The following BRIP1 variants were observed in gnomAD, a reference collection of about 807,000 sequenced individuals.
BRIP1 encodes BRCA1 interacting DNA helicase 1, also known as Fanconi anemia group J protein.
A neutral mutation model predicts 119.7 loss-of-function variants in BRIP1; 88 were observed. The observed-to-expected ratio is 0.74, with a 90% confidence interval of 0.62 to 0.88. The LOEUF (loss-of-function observed/expected upper bound fraction) is 0.88, where lower values mean the gene tolerates loss of function less well. Among genes scored for constraint, BRIP1 ranks in the 40% least tolerant of loss-of-function variants. The pLI is 0.00. For missense variants in BRIP1, 1,259 were observed against 1,455.4 expected, an observed-to-expected ratio of 0.87 and a Z score of 2.20; for synonymous variants, 443 against 496.5, an observed-to-expected ratio of 0.89 and a Z score of 1.43.
chr17:61,694,102 A>G (rs2061489809), intron 17 of BRIP1, among the ~76,000 whole-genome samples: 1 of 152,172 alleles, frequency 6.6e-6, no homozygotes, highest in African/African-American at 2.4e-5. Flanking sequence ...ATACTTTTTA[A>G]TAATTATTAA....
At chr17:61,849,438 T>C (rs530131154) in intron 4 of BRIP1, among the ~76,000 whole-genome samples, 182 bp from the exon 5 acceptor site, 3 of 151,762 alleles carry the variant, frequency 2.0e-5, no homozygotes, top group African/African-American at 7.3e-5. Flanking sequence ...TACCAAAGAT[T>C]CTGAGAAACA....
chr17:61,745,024 TA>T lies in BRIP1; in HGVS notation c.2098-434del, dbSNP rs2077041550. 6.6e-6 allele frequency among the ~76,000 whole-genome samples: 1 copy of T among 152,150 alleles called. No homozygotes were observed. The highest frequency in any genetic ancestry group is 2.1e-4 in the South Asian group (1 of 4,830). ...AAACTTTAAGTTCTCTCTTTAAACC[TA>T]AGGTGAAGTTTCTTAATATTCTTAA... On this transcript the variant is annotated intron_variant, in intron 14 of 19. Transcript: ENST00000259008. This position sits in a 1 kb window ranked among gnomAD's most constrained non-coding sequence, Gnocchi z 4.4.
At position 61,780,839 on chromosome 17, in the gene BRIP1, C is replaced by T. The variant is rs766516963; in HGVS notation, c.1794+1G>A. ...AATTTCCATTTACATGATGAGCTTA[C>T]CACAGCTGGATTTAAGCACCAAAAG... On this transcript the variant is annotated splice_donor_variant, in intron 12 of 19. Coordinates refer to ENST00000259008, the MANE Select transcript of BRIP1 (RefSeq NM_032043.3). LOFTEE classifies it high-confidence loss of function. This position sits in a 1 kb window ranked among gnomAD's most constrained non-coding sequence, Gnocchi z 5.4. 2 of 1,614,008 alleles carry T rather than the reference C, an allele frequency of 1.2e-6. No individual in the cohort carries two copies. Among genetic ancestry groups the T allele is most frequent in the East Asian group, 4.5e-5 (2 of 44,874 alleles).
chr17:61,718,155 G>A (rs1209311393), intron 16 of BRIP1, among the ~76,000 whole-genome samples: 1 of 152,110 alleles, frequency 6.6e-6, no homozygotes, highest in Non-Finnish European at 1.5e-5. Context: ...TGTATTATGG[G>A]TTAAATTCTC....
chr17:61,777,761 C>T (rs994935636), intron 13 of BRIP1, among the ~76,000 whole-genome samples: 4 of 152,042 alleles, frequency 2.6e-5, no homozygotes, highest in Non-Finnish European at 5.9e-5. Flanking sequence ...TATCTGGAAG[C>T]TCTCTGAACC....
chr17:61,776,057 T>C lies in BRIP1; in HGVS notation c.2097+344A>G, dbSNP rs765449735. The C allele has an allele frequency of 4.6e-5, 14 of 305,716 alleles. No homozygotes were observed. Among genetic ancestry groups the C allele is most frequent in the Non-Finnish European group, 8.2e-5 (13 of 158,374 alleles). 18.9% of individuals were successfully genotyped at this position (305,716 alleles called of 1,614,324 possible). A position where few individuals can be genotyped will look rare whatever the true frequency, so the allele number is the denominator to read the frequency against. On this transcript the variant is annotated intron_variant, in intron 14 of 19. Coordinates refer to ENST00000259008, the MANE Select transcript of BRIP1 (RefSeq NM_032043.3). The surrounding 1 kb of genome is among the most constrained non-coding windows in gnomAD (Gnocchi z 5.0). ...TGCCACCACACCCAGCTAATTTTTGTATTTTGTAGAGGCAGAGTTTCACCA... is the reference window on the plus strand; with the variant it reads ...TGCCACCACACCCAGCTAATTTTTGCATTTTGTAGAGGCAGAGTTTCACCA...
rs751454994 is a variant in BRIP1 at position 61,784,255 on chromosome 17, G to A, written c.1628+15C>T. On this transcript the variant is annotated intron_variant, in intron 11 of 19. Coordinates refer to ENST00000259008, the MANE Select transcript of BRIP1 (RefSeq NM_032043.3). The stretch of plus-strand genomic sequence containing the variant: ...ATTTTTAAAAGGAAAATACATACTA[G>A]TTATCTTCACTTACCTGCTATTTTG... The A allele has an allele frequency of 7.5e-6, 12 of 1,606,990 alleles. No individual in the cohort carries two copies. In the South Asian group the frequency reaches 1.3e-4, roughly 18 times the overall value.
chr17:61,845,722 A>C lies in BRIP1; in HGVS notation c.627+1379T>G, dbSNP rs1277061452. On this transcript the variant is annotated intron_variant, in intron 6 of 19. Coordinates refer to ENST00000259008, the MANE Select transcript of BRIP1 (RefSeq NM_032043.3). This position sits in a 1 kb window ranked among gnomAD's most constrained non-coding sequence, Gnocchi z 4.2. The stretch of plus-strand genomic sequence containing the variant: ...CAGCTCACAATCCAAACTATCCTAC[A>C]GGCGCTTCTCCCCAGGACATCCATC... Among the ~76,000 whole-genome samples, 7 of 152,230 alleles carry C rather than the reference A, an allele frequency of 4.6e-5. No homozygotes were observed. Among genetic ancestry groups the C allele is most frequent in the African/African-American group, 7.2e-5 (3 of 41,460 alleles).
Position 61,739,921 on chromosome 17 carries a change from A to C in BRIP1, c.2379+3092T>G, listed in dbSNP as rs2076965336. Among the ~76,000 whole-genome samples, 1 of 152,210 alleles carries C rather than the reference A, an allele frequency of 6.6e-6. No homozygotes were observed. Among genetic ancestry groups the C allele is most frequent in the African/African-American group, 2.4e-5 (1 of 41,472 alleles). ...GTTTAGGAAACAGTCAGTGATAATGAGATACAACTGTTTCTGGCCAAGATT... is the reference window on the plus strand; with the variant it reads ...GTTTAGGAAACAGTCAGTGATAATGCGATACAACTGTTTCTGGCCAAGATT... On this transcript the variant is annotated intron_variant, in intron 16 of 19. Coordinates refer to ENST00000259008, the MANE Select transcript of BRIP1 (RefSeq NM_032043.3). The surrounding 1 kb of genome is among the most constrained non-coding windows in gnomAD (Gnocchi z 6.0).
intron 6 of BRIP1, among the ~76,000 whole-genome samples, chr17:61,819,595 G>A (rs532777706): frequency 2.6e-5 from 4 of 152,230 alleles, no homozygotes; most frequent in East Asian, 3.9e-4. Context: ...TGGAACTGGA[G>A]GTCATTATGT....
rs1416021150 is a variant in BRIP1, at chr17:61,689,138, G to A, written c.2576-2973C>T. On this transcript the variant is annotated intron_variant, in intron 18 of 19. Coordinates refer to ENST00000259008, the MANE Select transcript of BRIP1 (RefSeq NM_032043.3). The surrounding 1 kb of genome is among the most constrained non-coding windows in gnomAD (Gnocchi z 4.5). Reference sequence around the variant, plus strand: ...GGCTCACTGAAACCTCCGCCTCCCTGATTCAAGCGATTCTCCTGCCTCGGC... The same window carrying A: ...GGCTCACTGAAACCTCCGCCTCCCTAATTCAAGCGATTCTCCTGCCTCGGC... 6.6e-6 allele frequency among the ~76,000 whole-genome samples: 1 copy of A among 151,566 alleles called. No homozygotes were observed. The highest frequency in any genetic ancestry group is 1.5e-5 in the Non-Finnish European group (1 of 67,962).
chr17:61,697,336 CAAAAAAAAAAAAAAAAAAA>C (rs55963888), intron 17 of BRIP1, among the ~76,000 whole-genome samples: 3 of 59,142 alleles, frequency 5.1e-5, no homozygotes, highest in African/African-American at 7.0e-5. Context: ...GACTCTGTCT[CAAAAAAAAAAAAAAAAAAA>C]AAAAAAAAAA....
Position 61,846,440 on chromosome 17 carries a change from C to T in BRIP1, c.627+661G>A, listed in dbSNP as rs1165876451. Among the ~76,000 whole-genome samples the T allele has an allele frequency of 1.3e-5, 2 of 151,796 alleles. No homozygotes were observed. Among genetic ancestry groups the T allele is most frequent in the East Asian group, 3.9e-4 (2 of 5,148 alleles). On this transcript the variant is annotated intron_variant, in intron 6 of 19. Coordinates refer to ENST00000259008, the MANE Select transcript of BRIP1 (RefSeq NM_032043.3). This position sits in a 1 kb window ranked among gnomAD's most constrained non-coding sequence, Gnocchi z 4.3. ...TCACTCTGTCATCCAGGCTGGAGTG[C>T]AGTGTGGTGCAATCTTGGCTCAGTG...
intron 14 of BRIP1, among the ~76,000 whole-genome samples, chr17:61,765,395 ATATATATATATATATATATATATATATAT>A (rs1567798815): frequency 3.7e-4 from 5 of 13,466 alleles, no homozygotes; most frequent in African/African-American, 1.1e-3. Context: ...ATATATATAT[ATATATATATATATATATATATATATATAT>A]TTTTTTTTTT....
rs191143207 is a variant in BRIP1, at chr17:61,728,569, G to T, written c.2380-12506C>A. Among the ~76,000 whole-genome samples, 758 of 152,276 alleles carry T rather than the reference G, an allele frequency of 5.0e-3. 6 individuals are homozygous for T. The highest frequency in any genetic ancestry group is 8.1e-3 in the Non-Finnish European group (552 of 68,008). The stretch of plus-strand genomic sequence containing the variant: ...GGACATAAGCCAGTTTGACCTGCAG[G>T]AGTTCAGAAAGTCTCAGGAAATGGA... On this transcript the variant is annotated intron_variant, in intron 16 of 19. Transcript: ENST00000259008.
At chr17:61,800,462 G>A (rs943980304) in intron 8 of BRIP1, among the ~76,000 whole-genome samples, 2 of 152,188 alleles carry the variant, frequency 1.3e-5, no homozygotes, top group Non-Finnish European at 2.9e-5. Context: ...AAGGGAGTAT[G>A]AGGTAATTTT....
In BRIP1 at chr17:61,780,357, T is replaced by C. The variant is rs1603333264; in HGVS notation, c.1839A>G (p.Thr613=). 1 of 1,610,726 alleles carries C rather than the reference T, an allele frequency of 6.2e-7. No homozygotes were observed. The highest frequency in any genetic ancestry group is 8.5e-7 in the Non-Finnish European group (1 of 1,176,934). The change falls in exon 13 of 20, where the codon ACA becomes ACG. Residue 613 remains threonine (T), a synonymous_variant. Coordinates refer to ENST00000259008, the MANE Select transcript of BRIP1 (RefSeq NM_032043.3). This position sits in a 1 kb window ranked among gnomAD's most constrained non-coding sequence, Gnocchi z 5.4. ...INGKVQTIVL[T]SGTLSPMKSF... is the part of the protein sequence containing the mutation. ...ATTTCATTGGTGATAATGTACCAGA[T>C]GTCAAAACAATGGTCTGAACTTTGC...
intron 6 of BRIP1, among the ~76,000 whole-genome samples, chr17:61,833,142 T>C (rs1042780142): frequency 5.3e-5 from 8 of 152,166 alleles, no homozygotes; most frequent in Admixed American, 3.9e-4. Flanking sequence ...TACATGACAA[T>C]TGCAGATACT....
intron 16 of BRIP1, among the ~76,000 whole-genome samples, chr17:61,719,657 G>A (rs1188476480): frequency 1.7e-4 from 26 of 151,752 alleles, no homozygotes; most frequent in Admixed American, 5.2e-4. Flanking sequence ...CCCAGGAGGC[G>A]GAGGTTGCAG....
Sources: allele counts gnomAD v4.1 joint callset (sites outside exome capture counted in the v4.1 genomes callset), GRCh38; gene constraint gnomAD v4.1.1; non-coding constraint Gnocchi (gnomAD v3.1); transcripts MANE v1.5; gene names NCBI Gene and HGNC (gene_info 2026-07-23, HGNC 2026-07-21).